Variants in AUTS2 observed in about 807,000 individuals in gnomAD.
The protein encoded by AUTS2 is activator of transcription and developmental regulator AUTS2.
AUTS2 carries 17 observed loss-of-function variants against 112.4 expected under a neutral mutation model. The observed-to-expected ratio is 0.15, with a 90% CI of 0.10 to 0.23. The LOEUF is 0.23. Among genes scored for constraint, AUTS2 ranks in the 10% least tolerant of loss-of-function variants. AUTS2 has a pLI of 1.00. For synonymous variants in AUTS2, 751 were observed against 702.7 expected (o/e 1.07, Z -1.09); for missense variants, 1,510 against 1,701.6 (o/e 0.89, Z 1.98).
At chr7:70,046,899 G>T (rs952091129) in intron 2 of AUTS2, among the ~76,000 whole-genome samples, 1 of 152,172 alleles carries the variant, frequency 6.6e-6, no homozygotes, top group Non-Finnish European at 1.5e-5. Context: ...AGAGCAATGT[G>T]TATGTGTGCA....
rs570399186 is a variant in AUTS2, at chr7:70,348,205, C to G, written c.661-87547C>G. Among the ~76,000 whole-genome samples the G allele has an allele frequency of 2.0e-5, 3 of 152,250 alleles. No individual in the cohort carries two copies. The South Asian group carries it at 6.2e-4, about 32-fold the overall frequency. ...AACAGGCTGTAAGCAGGAGCTACTCCATGTTTTAATATAAGGAAACTGAGG... is the reference window on the plus strand; with the variant it reads ...AACAGGCTGTAAGCAGGAGCTACTCGATGTTTTAATATAAGGAAACTGAGG... On this transcript the variant is annotated intron_variant, in intron 4 of 18. Transcript: ENST00000342771.
intron 5 of AUTS2, among the ~76,000 whole-genome samples, chr7:70,458,517 G>A (rs1223332115): frequency 2.0e-5 from 3 of 152,164 alleles, no homozygotes; most frequent in Non-Finnish European, 4.4e-5. Context: ...CAAAATTCAA[G>A]GTTTTAGATT....
At chr7:69,919,507 A>G (rs1002227519) in intron 2 of AUTS2, among the ~76,000 whole-genome samples, 1 of 152,240 alleles carries the variant, frequency 6.6e-6, no homozygotes, top group African/African-American at 2.4e-5. Context: ...TATTGTGAAT[A>G]TGTTCAGTGA....
chr7:70,153,998 G>A (rs1236122334), intron 4 of AUTS2, among the ~76,000 whole-genome samples: 1 of 152,160 alleles, frequency 6.6e-6, no homozygotes, highest in Non-Finnish European at 1.5e-5. Context: ...GCTGTCCTCT[G>A]TTAATGGTAA....
intron 2 of AUTS2, among the ~76,000 whole-genome samples, chr7:70,094,597 G>C (rs561703804): frequency 6.6e-6 from 1 of 152,152 alleles, no homozygotes; most frequent in Non-Finnish European, 1.5e-5. Context: ...TACAGCTCTT[G>C]CCCTGCCCTG....
At chr7:70,718,952 G>A (rs1394019238) in intron 6 of AUTS2, among the ~76,000 whole-genome samples, 1 of 151,774 alleles carries the variant, frequency 6.6e-6, no homozygotes, top group East Asian at 1.9e-4. Context: ...TGTAAACCAG[G>A]GCATATAATC....
At chr7:70,512,323 A>G (rs1184346247) in intron 5 of AUTS2, among the ~76,000 whole-genome samples, 1 of 152,170 alleles carries the variant, frequency 6.6e-6, no homozygotes, top group African/African-American at 2.4e-5. Context: ...AAGATTTCAA[A>G]TGCTGTTTTG....
chr7:70,589,802 C>G (rs1264223452), intron 5 of AUTS2, among the ~76,000 whole-genome samples: 1 of 152,172 alleles, frequency 6.6e-6, no homozygotes, highest in African/African-American at 2.4e-5. Flanking sequence ...CTCATCACCC[C>G]AAGCTCCAGG....
intron 4 of AUTS2, among the ~76,000 whole-genome samples, chr7:70,371,734 A>G (rs1395149820): frequency 6.6e-6 from 1 of 152,206 alleles, no homozygotes; most frequent in Non-Finnish European, 1.5e-5. Flanking sequence ...ATAAGACAGT[A>G]AATTGATGTA....
intron 2 of AUTS2, among the ~76,000 whole-genome samples, chr7:70,023,189 T>C (rs1380461618): frequency 6.6e-6 from 1 of 152,220 alleles, no homozygotes; most frequent in East Asian, 1.9e-4. Context: ...AGTGTGTGTT[T>C]TATAAGATCA....
chr7:69,903,815 C>G (rs1305720131), intron 2 of AUTS2, among the ~76,000 whole-genome samples: 1 of 152,132 alleles, frequency 6.6e-6, no homozygotes, highest in Non-Finnish European at 1.5e-5. Context: ...TAGACTCTAA[C>G]CTTGCTGGTA....
At chr7:70,451,141 T>C (rs1796512940) in intron 5 of AUTS2, among the ~76,000 whole-genome samples, 1 of 152,108 alleles carries the variant, frequency 6.6e-6, no homozygotes, top group Admixed American at 6.5e-5. Flanking sequence ...CACTGGGATT[T>C]TGTCTGTGTC....
intron 1 of AUTS2, among the ~76,000 whole-genome samples, chr7:69,828,539 G>A (rs1308924921): frequency 1.3e-5 from 2 of 152,128 alleles, no homozygotes; most frequent in South Asian, 2.1e-4. Flanking sequence ...GAAAAATCAC[G>A]TTTTAACTAT....
At chr7:70,049,145 A>C (rs1187139232) in intron 2 of AUTS2, among the ~76,000 whole-genome samples, 1 of 152,152 alleles carries the variant, frequency 6.6e-6, no homozygotes, top group Non-Finnish European at 1.5e-5. Flanking sequence ...CCCATCATGC[A>C]TTATTTAACC....
At chr7:69,687,280 A>G (rs1179507063) in intron 1 of AUTS2, among the ~76,000 whole-genome samples, 1 of 152,254 alleles carries the variant, frequency 6.6e-6, no homozygotes, top group South Asian at 2.1e-4. Flanking sequence ...GCAAACTGTG[A>G]TTGACTTAAG....
chr7:70,717,254 C>A (rs1810432645), intron 6 of AUTS2, among the ~76,000 whole-genome samples: 1 of 152,028 alleles, frequency 6.6e-6, no homozygotes, highest in Admixed American at 6.6e-5. Flanking sequence ...CTATGTTGCC[C>A]AGGCTAGTCT....
intron 4 of AUTS2, among the ~76,000 whole-genome samples, chr7:70,426,502 A>G (rs906952670): frequency 2.0e-5 from 3 of 152,182 alleles, no homozygotes; most frequent in Non-Finnish European, 4.4e-5. Flanking sequence ...AAAAGTAATG[A>G]CAGCAATTTC....
intron 4 of AUTS2, among the ~76,000 whole-genome samples, chr7:70,408,621 C>G (rs972747376): frequency 6.6e-6 from 1 of 152,110 alleles, no homozygotes; most frequent in Non-Finnish European, 1.5e-5. Flanking sequence ...ACACTTTTGC[C>G]GACAAAGTAC....
rs1421575139 is a variant in AUTS2, at chr7:69,668,740, TTTAGACCAGATGAGG to T, written c.309+68780_309+68794del. On this transcript the variant is annotated intron_variant, in intron 1 of 18. Transcript: ENST00000342771. ...TTCTTAACTTATGGTCAGCCATATGTTTAGACCAGATGAGGTAGGAGGTATGATTGGATACAAGTA... is the reference window on the plus strand; with the variant it reads ...TTCTTAACTTATGGTCAGCCATATGTTAGGAGGTATGATTGGATACAAGTA... Among the ~76,000 whole-genome samples the T allele has an allele frequency of 2.6e-5, 4 of 152,336 alleles. 1 individual carries two copies. Among genetic ancestry groups the T allele is most frequent in the Admixed American group, 2.6e-4 (4 of 15,298 alleles).
Sources: gnomAD v4.1 joint callset for allele counts (sites outside exome capture counted in the v4.1 genomes callset) on GRCh38, gnomAD v4.1.1 for gene constraint, MANE v1.5 for transcripts, NCBI Gene and HGNC (gene_info 2026-07-23, HGNC 2026-07-21) for gene names.